Variants in TUSC3 observed in about 807,000 individuals in gnomAD.
TUSC3 encodes the protein dolichyl-diphosphooligosaccharide--protein glycosyltransferase subunit TUSC3.
TUSC3 carries 45 observed loss-of-function variants against 44.8 expected under a neutral mutation model. The observed-to-expected ratio is 1.00, with a 90% CI of 0.79 to 1.29. TUSC3 has a LOEUF of 1.29. TUSC3 is among the 50% of genes most tolerant of loss of function. TUSC3 has a pLI of 0.00. For missense variants in TUSC3, 519 were observed against 437.9 expected, an observed-to-expected ratio of 1.19 and a Z score of -1.65; for synonymous variants, 212 against 152.9, an observed-to-expected ratio of 1.39 and a Z score of -2.85.
chr8:15,511,456 C>CA (rs1801134853), intron 2 of TUSC3, among the ~76,000 whole-genome samples: 1 of 152,048 alleles, frequency 6.6e-6, no homozygotes, highest in Admixed American at 6.6e-5. Context: ...AGTCAATATA[C>CA]AAAAATGTAT....
At chr8:15,754,764 G>A (rs1273813180) in intron 9 of TUSC3, among the ~76,000 whole-genome samples, 8 of 148,426 alleles carry the variant, frequency 5.4e-5, no homozygotes, top group Non-Finnish European at 1.2e-4. Context: ...TTTATGTACA[G>A]AACCGTGATC....
At chr8:15,483,743 C>A (rs542677833) in intron 2 of TUSC3, among the ~76,000 whole-genome samples, 1 of 145,562 alleles carries the variant, frequency 6.9e-6, no homozygotes, top group South Asian at 2.2e-4. Flanking sequence ...GCAAACTCCG[C>A]CTCCCGAGTT....
intron 7 of TUSC3, among the ~76,000 whole-genome samples, chr8:15,734,431 G>C (rs1051702112): frequency 6.6e-6 from 1 of 151,970 alleles, no homozygotes; most frequent in Non-Finnish European, 1.5e-5. Flanking sequence ...AGTAGTCTTT[G>C]AGAGAAAACT....
At chr8:15,522,576 G>A (rs1453610026) in intron 2 of TUSC3, among the ~76,000 whole-genome samples, 1 of 148,824 alleles carries the variant, frequency 6.7e-6, no homozygotes, top group Non-Finnish European at 1.5e-5. Flanking sequence ...CAGTAGTCAC[G>A]ATCCACTCCC....
At chr8:15,821,430 C>A in the TUSC3 span, among the ~76,000 whole-genome samples, 20,983 of 139,878 alleles carry the variant, frequency 0.15, 1,648 homozygotes, top group East Asian at 0.26. Context: ...TATGTCTTTC[C>A]GATGATTTGG....
At chr8:15,752,223 A>C (rs768321723) in intron 9 of TUSC3, among the ~76,000 whole-genome samples, 2 of 152,010 alleles carry the variant, frequency 1.3e-5, no homozygotes, top group Non-Finnish European at 2.9e-5. Flanking sequence ...AGGAGAGAGG[A>C]GGGGCTGAGG....
chr8:15,636,160 G>T lies in TUSC3; in HGVS notation c.308+12911G>T, dbSNP rs565825004. Among the ~76,000 whole-genome samples, 225 of 152,144 alleles carry T rather than the reference G, an allele frequency of 1.5e-3. 1 individual carries two copies. Among genetic ancestry groups the T allele is most frequent in the African/African-American group, 5.2e-3 (217 of 41,520 alleles). ...CGCCTGTTTTTGGTATTACACAGCT[G>T]TTTCTGAGGGGAAGCAGCCACAGCA... is the stretch of plus-strand genomic sequence containing the variant. On this transcript the variant is annotated intron_variant, in intron 2 of 10. Coordinates refer to ENST00000503731, the MANE Select transcript of TUSC3 (RefSeq NM_006765.4).
At chr8:15,575,556 C>T (rs1803066663) in intron 1 of TUSC3, among the ~76,000 whole-genome samples, 1 of 152,102 alleles carries the variant, frequency 6.6e-6, no homozygotes, top group South Asian at 2.1e-4. Flanking sequence ...CACCTGAGGT[C>T]AGGAGTTTGA....
chr8:15,843,621 T>TATATATATATATATATATATATACAC, the TUSC3 span, among the ~76,000 whole-genome samples: 20 of 146,764 alleles, frequency 1.4e-4, no homozygotes, highest in African/African-American at 5.3e-4. Flanking sequence ...TATATATATA[T>TATATATATATATATATATATATACAC]ACACGCACAT....
At chr8:15,457,190 T>A (rs535277094) in intron 1 of TUSC3, among the ~76,000 whole-genome samples, 2,744 of 94,386 alleles carry the variant, frequency 0.029, 95 homozygotes, top group African/African-American at 0.082. Context: ...GGGGGGAGGG[T>A]TAGCATTAGG....
chr8:15,431,590 T>G (rs1799874259), intron 1 of TUSC3, among the ~76,000 whole-genome samples: 1 of 149,466 alleles, frequency 6.7e-6, no homozygotes, highest in Non-Finnish European at 1.5e-5. Context: ...CTTTAGAGGT[T>G]TCTATATATA....
intron 7 of TUSC3, among the ~76,000 whole-genome samples, chr8:15,734,679 G>T (rs1047077701): frequency 2.6e-5 from 4 of 152,182 alleles, no homozygotes; most frequent in African/African-American, 7.2e-5. Flanking sequence ...GAAGGCAAAG[G>T]AAGTAGCAAG....
chr8:15,600,165 T>C (rs1245185450), intron 1 of TUSC3, among the ~76,000 whole-genome samples: 2 of 151,790 alleles, frequency 1.3e-5, no homozygotes, highest in Admixed American at 6.6e-5. Context: ...TAAGCATTTG[T>C]TTGTCCTATA....
chr8:15,424,375 C>A (rs1479654050), intron 1 of TUSC3, among the ~76,000 whole-genome samples: 1 of 152,002 alleles, frequency 6.6e-6, no homozygotes, highest in Non-Finnish European at 1.5e-5. Flanking sequence ...TTATCCATCT[C>A]AAAATAGGAC....
At chr8:15,700,112 C>A (rs1237717339) in intron 6 of TUSC3, among the ~76,000 whole-genome samples, 2 of 152,116 alleles carry the variant, frequency 1.3e-5, no homozygotes, top group Non-Finnish European at 2.9e-5. Context: ...AAGGCATCAG[C>A]TTAGGGTATG....
intron 2 of TUSC3, among the ~76,000 whole-genome samples, chr8:15,530,384 C>G (rs1469083417): frequency 6.6e-6 from 1 of 152,152 alleles, no homozygotes; most frequent in Non-Finnish European, 1.5e-5. Flanking sequence ...TCTAGAAAAG[C>G]TACTATCATA....
chr8:15,458,621 T>C lies in TUSC3; in HGVS notation n.92-24765T>C, dbSNP rs1416656452. Among the ~76,000 whole-genome samples the C allele has an allele frequency of 2.6e-5, 4 of 152,216 alleles. No individual in the cohort carries two copies. The East Asian group carries it at 7.7e-4, about 29-fold the overall frequency. On this transcript the variant is annotated intron_variant and non_coding_transcript_variant, in intron 1 of 5. Coordinates refer to the TUSC3 transcript ENST00000503191. Reference sequence around the variant, plus strand: ...CAACGATGAATGTGTTATGTACCAATGATTAAGATGAATCTATAATCTGAT... The same window carrying C: ...CAACGATGAATGTGTTATGTACCAACGATTAAGATGAATCTATAATCTGAT...
At chr8:15,562,871 A>C (rs181626481) in intron 1 of TUSC3, among the ~76,000 whole-genome samples, 1 of 152,246 alleles carries the variant, frequency 6.6e-6, no homozygotes, top group African/African-American at 2.4e-5. Flanking sequence ...CTAATCCAGG[A>C]TAATCTCTCA....
chr8:15,794,390 C>A, the TUSC3 span, among the ~76,000 whole-genome samples: 1 of 152,090 alleles, frequency 6.6e-6, no homozygotes, highest in Non-Finnish European at 1.5e-5. Flanking sequence ...TTTTTACATA[C>A]AAAATTGATG....
Sources: allele counts gnomAD v4.1 joint callset (sites outside exome capture counted in the v4.1 genomes callset), GRCh38; gene constraint gnomAD v4.1.1; transcripts MANE v1.5; gene names NCBI Gene and HGNC (gene_info 2026-07-23, HGNC 2026-07-21).